The following PDE7B variants were observed in gnomAD, a reference collection of about 807,000 sequenced individuals.
PDE7B encodes the protein 3',5'-cyclic-AMP phosphodiesterase 7B.
Under a neutral mutation model 56.2 loss-of-function variants are expected in PDE7B, and 29 were observed. The ratio of observed to expected loss-of-function variants is 0.52; its 90% CI spans 0.38 to 0.70. PDE7B has a LOEUF of 0.70. Among genes scored for constraint, PDE7B ranks in the 30% least tolerant of loss-of-function variants. PDE7B has a pLI of 0.00. For synonymous variants in PDE7B, 197 were observed against 196.9 expected (o/e 1.00, Z 0.00); for missense variants, 490 against 565.0 (o/e 0.87, Z 1.35).
intron 2 of PDE7B, among the ~76,000 whole-genome samples, chr6:135,956,148 T>C (rs974652581): frequency 2.0e-5 from 3 of 151,882 alleles, no homozygotes; most frequent in Non-Finnish European, 4.4e-5. Context: ...GAGACTAAAA[T>C]AGAGTGGGCA....
At chr6:136,096,683 TC>T (rs1484984327) in intron 2 of PDE7B, among the ~76,000 whole-genome samples, 3 of 152,100 alleles carry the variant, frequency 2.0e-5, no homozygotes, top group African/African-American at 7.2e-5. Context: ...ATTCTTAAGA[TC>T]AGCATAATTT....
At chr6:136,067,915 C>T (rs966005982) in intron 2 of PDE7B, among the ~76,000 whole-genome samples, 2 of 152,130 alleles carry the variant, frequency 1.3e-5, no homozygotes, top group African/African-American at 2.4e-5. Flanking sequence ...GGAAAAGCAG[C>T]AAACAATGAT....
chr6:136,113,612 A>G (rs1448661150), intron 3 of PDE7B, among the ~76,000 whole-genome samples: 2 of 152,198 alleles, frequency 1.3e-5, no homozygotes, highest in Non-Finnish European at 2.9e-5. Flanking sequence ...TTTATTCCAG[A>G]TGATGTCCTA....
chr6:136,051,239 A>T (rs1317459181), intron 2 of PDE7B, among the ~76,000 whole-genome samples: 2 of 152,234 alleles, frequency 1.3e-5, no homozygotes, highest in Non-Finnish European at 2.9e-5. Context: ...GCCATAAAAT[A>T]ACCCTCTCTC....
At chr6:136,177,820 T>A (rs1296781271) in intron 9 of PDE7B, among the ~76,000 whole-genome samples, 1 of 152,146 alleles carries the variant, frequency 6.6e-6, no homozygotes, top group African/African-American at 2.4e-5. Context: ...TATATAAGAA[T>A]ATTTACTGTG....
chr6:136,107,278 G>A (rs1174195557), intron 2 of PDE7B, among the ~76,000 whole-genome samples: 3 of 152,040 alleles, frequency 2.0e-5, no homozygotes, highest in Non-Finnish European at 4.4e-5. Flanking sequence ...ACCTTACTTC[G>A]GGAAAAAGGT....
At chr6:136,009,304 A>C (rs1775846136) in intron 2 of PDE7B, among the ~76,000 whole-genome samples, 1 of 151,926 alleles carries the variant, frequency 6.6e-6, no homozygotes, top group African/African-American at 2.4e-5. Context: ...CTTAGGATTG[A>C]CTTGGCGATG....
chr6:136,153,376 C>T (rs553868395), intron 6 of PDE7B, among the ~76,000 whole-genome samples: 67 of 152,300 alleles, frequency 4.4e-4, no homozygotes, highest in African/African-American at 1.5e-3. Context: ...TCCTAAGCAT[C>T]GCCTTGGTTA....
At chr6:135,884,824 C>T (rs999317539) in intron 1 of PDE7B, among the ~76,000 whole-genome samples, 3 of 152,076 alleles carry the variant, frequency 2.0e-5, no homozygotes, top group East Asian at 1.9e-4. Context: ...CTGTTTTTCT[C>T]GAAGCTGTCT....
chr6:135,992,465 A>G (rs1361961421), intron 2 of PDE7B, among the ~76,000 whole-genome samples: 2 of 152,202 alleles, frequency 1.3e-5, no homozygotes, highest in Non-Finnish European at 2.9e-5. Context: ...GGTTATTTTT[A>G]GCTTATAATA....
At chr6:136,070,421 T>G (rs1777028452) in intron 2 of PDE7B, 1 of 152,202 alleles carries the variant, frequency 6.6e-6, no homozygotes, top group Non-Finnish European at 1.5e-5. Context: ...CCATCCAATT[T>G]GCTTTCAGGC....
At chr6:135,922,230 C>G (rs114502006) in intron 1 of PDE7B, among the ~76,000 whole-genome samples, 3,919 of 152,154 alleles carry the variant, frequency 0.026, 60 homozygotes, top group South Asian at 0.046. Context: ...AAACACAAGC[C>G]CAGAGTGGCA....
intron 2 of PDE7B, among the ~76,000 whole-genome samples, chr6:136,090,881 A>G (rs1303276866): frequency 6.6e-6 from 1 of 152,128 alleles, no homozygotes; most frequent in African/African-American, 2.4e-5. Flanking sequence ...TCTATCAATC[A>G]CTACATTTTT....
chr6:136,143,391 C>A (rs1352720881), intron 3 of PDE7B, among the ~76,000 whole-genome samples: 3 of 151,498 alleles, frequency 2.0e-5, no homozygotes, highest in Non-Finnish European at 4.4e-5. Flanking sequence ...GCAAGACAGG[C>A]TAGAGTCAGG....
intron 12 of PDE7B, among the ~76,000 whole-genome samples, 172 bp from the exon 13 acceptor site, chr6:136,191,442 G>A (rs532630272): frequency 2.0e-5 from 3 of 152,318 alleles, no homozygotes; most frequent in Admixed American, 6.5e-5. Flanking sequence ...CGAGGCGGGC[G>A]GATCACTTGA....
intron 3 of PDE7B, among the ~76,000 whole-genome samples, chr6:136,128,045 AAGAGGGCAGACTGCCACTTGTCATTACTG>A: frequency 6.6e-6 from 1 of 152,326 alleles, no homozygotes; most frequent in East Asian, 1.9e-4. Flanking sequence ...TCAGGTCATC[AAGAGGGCAGACTGCCACTTGTCATTACTG>A]AGAGGGGTGT....
At chr6:135,935,218 T>TATAAATATATATATATATATATATATA in intron 1 of PDE7B, among the ~76,000 whole-genome samples, 1 of 34,726 alleles carries the variant, frequency 2.9e-5, no homozygotes, top group African/African-American at 1.5e-4. Flanking sequence ...ATATATATAT[T>TATAAATATATATATATATATATATATA]TTCATGATTC....
intron 2 of PDE7B, among the ~76,000 whole-genome samples, chr6:136,020,162 C>A (rs1268825035): frequency 6.6e-6 from 1 of 152,152 alleles, no homozygotes; most frequent in Non-Finnish European, 1.5e-5. Flanking sequence ...ACTGTGACCT[C>A]ATGCCTGGTT....
chr6:135,966,256 GC>G (rs1291108287), intron 2 of PDE7B, among the ~76,000 whole-genome samples: 2 of 152,052 alleles, frequency 1.3e-5, no homozygotes, highest in Non-Finnish European at 2.9e-5. Flanking sequence ...CTTTAGAGTG[GC>G]TTTTTTCTAG....
Sources: gnomAD v4.1 joint callset for allele counts (sites outside exome capture counted in the v4.1 genomes callset) on GRCh38, gnomAD v4.1.1 for gene constraint, MANE v1.5 for transcripts, NCBI Gene and HGNC (gene_info 2026-07-23, HGNC 2026-07-21) for gene names.